The following HRG variants were observed in gnomAD, a reference collection of about 807,000 sequenced individuals.
HRG encodes histidine-rich glycoprotein.
Under a neutral mutation model 29.5 loss-of-function variants are expected in HRG, and 26 were observed. The observed-to-expected ratio is 0.88, with a 90% CI of 0.65 to 1.22. HRG has a LOEUF of 1.22. HRG is among the 50% of genes most tolerant of loss of function. The probability of loss-of-function intolerance (pLI) is 0.00; values close to 1 mark genes in which losing one functional copy is unlikely to be tolerated. For missense variants in HRG, 671 were observed against 654.5 expected (o/e 1.03, Z -0.28); for synonymous variants, 243 against 240.4 (o/e 1.01, Z -0.10).
In HRG at chr3:186,677,368, C is replaced by T. The variant is rs1388221930; in HGVS notation, c.1063C>T (p.His355Tyr). ...CAGTGACCTCCATCCCCATAAGCAT[C>T]ATTCCCATGAACAGCATCCCCACGG... Reference protein sequence around the residue: ...NSSDLHPHKHHSHEQHPHGHH... With the variant: ...NSSDLHPHKHYSHEQHPHGHH... Residue 355 changes from histidine (H) to tyrosine (Y), a missense_variant, in exon 7 of 7, where the codon CAT becomes TAT. By Grantham distance (83) the His-to-Tyr change is moderately conservative. Transcript: ENST00000232003. 6.2e-7 allele frequency: 1 copy of T among 1,613,900 alleles called. No individual in the cohort carries two copies. Among genetic ancestry groups the T allele is most frequent in the Non-Finnish European group, 8.5e-7 (1 of 1,179,964 alleles).
At chr3:186,670,694 T>C (rs1449169794) in intron 3 of HRG, among the ~76,000 whole-genome samples, 1 of 152,042 alleles carries the variant, frequency 6.6e-6, no homozygotes, top group Non-Finnish European at 1.5e-5. Context: ...ATTACAGGCA[T>C]ATGCCACCAC....
intron 6 of HRG, among the ~76,000 whole-genome samples, chr3:186,675,993 C>T (rs1405173633): frequency 6.6e-6 from 1 of 151,540 alleles, no homozygotes; most frequent in African/African-American, 2.4e-5. Flanking sequence ...CCTCAGCCTC[C>T]TGAGTAGCTA....
In HRG at chr3:186,671,718, G is replaced by T. The variant is rs754766654; in HGVS notation, c.487G>T (p.Glu163Ter). The change falls in exon 4 of 7, where the codon GAG becomes TAG. Residue 163 changes from glutamate to a stop codon, truncating the protein, a stop_gained. Transcript: ENST00000232003. LOFTEE classifies it high-confidence loss of function. The stretch of plus-strand genomic sequence containing the variant: ...CAGAAAACAAGCCAACAAAGCCCTT[G>T]AGAAGTACAAAGAGGAGAATGATGA... ...RYRKQANKALEKYKEENDDFA... is the reference protein window; with the variant it reads ...RYRKQANKAL The T allele has an allele frequency of 1.2e-6, 2 of 1,614,008 alleles. No individual in the cohort carries two copies. The highest frequency in any genetic ancestry group is 1.7e-6 in the Non-Finnish European group (2 of 1,179,906).
chr3:186,675,296 T>TGA (rs1231802917), intron 6 of HRG, 106 bp downstream of exon 6: 10,032 of 582,392 alleles, frequency 0.017, 220 homozygotes, highest in African/African-American at 0.069. Flanking sequence ...TGTGTGTGTG[T>TGA]GTGTGTGTGT....
At chr3:186,676,825 T>A (rs550192770) in intron 6 of HRG, among the ~76,000 whole-genome samples, 4 of 151,926 alleles carry the variant, frequency 2.6e-5, no homozygotes, top group East Asian at 1.9e-4. Flanking sequence ...AAAAAAAAAA[T>A]AGTTTCTTTT....
Position 186,677,584 on chromosome 3 carries a change from T to C in HRG, c.1279T>C (p.Cys427Arg), listed in dbSNP as rs776485907. Residue 427 changes from cysteine to arginine, a missense_variant, in exon 7 of 7, where the codon TGT becomes CGT. Transcript: ENST00000232003. The part of the protein sequence containing the change: ...CDPPPHNQGH[C>R]CHGHGPPPGH... ...CCCACCACCCCATAACCAAGGTCAC[T>C]GTTGCCATGGCCACGGCCCACCACC... is the stretch of plus-strand genomic sequence containing the variant. 7.4e-6 allele frequency: 12 copies of C among 1,613,998 alleles called. No individual in the cohort carries two copies. The highest frequency in any genetic ancestry group is 2.2e-5 in the East Asian group (1 of 44,880).
chr3:186,675,926 A>G (rs2108583182), intron 6 of HRG, among the ~76,000 whole-genome samples: 1 of 144,868 alleles, frequency 6.9e-6, no homozygotes, highest in African/African-American at 2.6e-5. Flanking sequence ...CTGGAATACA[A>G]TGGTGCCATC....
At chr3:186,674,714 A>G in intron 5 of HRG, 1 of 339,850 alleles carries the variant, frequency 2.9e-6, no homozygotes, top group Middle Eastern at 1.1e-3. Context: ...GAAGTTGTAA[A>G]AATCCCTCTT....
At chr3:186,669,658 G>A (rs11721235) in intron 2 of HRG, 26,416 of 469,994 alleles carry the variant, frequency 0.056, 906 homozygotes, top group African/African-American at 0.11. Flanking sequence ...TCACACTCCT[G>A]GAACTTTCAC....
chr3:186,666,294 C>T, intron 1 of HRG, 80 bp downstream of exon 1: 3 of 1,421,688 alleles, frequency 2.1e-6, no homozygotes, highest in Non-Finnish European at 3.0e-6. Context: ...AGGCTTACTG[C>T]TTTGCACAAT....
chr3:186,674,439 G>A (rs915508848), intron 5 of HRG: 1 of 157,556 alleles, frequency 6.3e-6, no homozygotes, highest in African/African-American at 2.4e-5. Context: ...GGAGAAGCCA[G>A]GATTAACATA....
rs1249698076 is a variant in HRG, at chr3:186,671,758, G to A, written c.527G>A (p.Arg176Lys). 6.2e-7 allele frequency: 1 copy of A among 1,613,990 alleles called. No homozygotes were observed. The highest frequency in any genetic ancestry group is 8.5e-7 in the Non-Finnish European group (1 of 1,179,942). Residue 176 changes from arginine to lysine, a missense_variant, in exon 4 of 7, where the codon AGA (arginine) becomes AAA (lysine). Transcript: ENST00000232003. ...KEENDDFASF[R>K]VDRIERVARV... Reference sequence around the variant, plus strand: ...GAGAATGATGACTTTGCCTCTTTCAGAGTGGACCGAATCGAGAGAGTTGCA... The same window carrying A: ...GAGAATGATGACTTTGCCTCTTTCAAAGTGGACCGAATCGAGAGAGTTGCA...
chr3:186,672,940 A>G (rs886641114), intron 5 of HRG, 73 bp downstream of exon 5: 1 of 968,660 alleles, frequency 1.0e-6, no homozygotes, highest in Non-Finnish European at 1.7e-6. Context: ...GGAGAAGGAG[A>G]AGGAGAAGGA....
chr3:186,674,015 G>A (rs1354901913), intron 5 of HRG: 4 of 152,176 alleles, frequency 2.6e-5, no homozygotes, highest in African/African-American at 9.7e-5. Context: ...CACTTAGCTA[G>A]AGAGTGTTAG....
chr3:186,669,081 C>G (rs770643351), intron 2 of HRG, 30 bp downstream of exon 2: 6 of 1,142,398 alleles, frequency 5.3e-6, no homozygotes, highest in Middle Eastern at 1.9e-4. Context: ...TCACTCTGCT[C>G]TTTTCATTCT....
At chr3:186,673,394 A>ATG (rs1718869981) in intron 5 of HRG, 1 of 200,926 alleles carries the variant, frequency 5.0e-6, no homozygotes, top group Non-Finnish European at 1.0e-5. Context: ...TTACAGGCGC[A>ATG]AGCCACCATG....
At chr3:186,672,914 A>C (rs774923586) in intron 5 of HRG, 47 bp downstream of exon 5, 6 of 1,251,494 alleles carry the variant, frequency 4.8e-6, no homozygotes, top group Non-Finnish European at 7.1e-6. Flanking sequence ...TCACAGAGAA[A>C]AAAGAAAGAG....
intron 4 of HRG, 134 bp from the exon 5 acceptor site, chr3:186,672,653 T>G: frequency 1.4e-6 from 1 of 710,566 alleles, no homozygotes. Flanking sequence ...CAGAAACCAT[T>G]TTAAAAAATG....
chr3:186,677,077 C>T lies in HRG; in HGVS notation c.772C>T (p.His258Tyr), dbSNP rs1458447850. 1.2e-6 allele frequency: 2 copies of T among 1,614,014 alleles called. No homozygotes were observed. Among genetic ancestry groups the T allele is most frequent in the African/African-American group, 1.3e-5 (1 of 75,016 alleles). Reference protein sequence around the residue: ...EHENINGVPPHLGHPFHWGGH... With the variant: ...EHENINGVPPYLGHPFHWGGH... ...TGAGAACATCAATGGTGTACCGCCT[C>T]ATTTGGGACATCCCTTCCACTGGGG... Residue 258 changes from histidine to tyrosine, a missense_variant, in exon 7 of 7, where the codon CAT becomes TAT. His to Tyr is a moderately conservative substitution (Grantham distance 83, BLOSUM62 2). Coordinates refer to ENST00000232003, the MANE Select transcript of HRG (RefSeq NM_000412.5).
Sources: gnomAD v4.1 joint callset for allele counts (sites outside exome capture counted in the v4.1 genomes callset) on GRCh38, gnomAD v4.1.1 for gene constraint, MANE v1.5 for transcripts, NCBI Gene and HGNC (gene_info 2026-07-23, HGNC 2026-07-21) for gene names.